Variants in DGKD observed in about 807,000 individuals in gnomAD.
DGKD encodes diacylglycerol kinase delta, also known as DAG kinase delta.
Under a neutral mutation model 154.4 loss-of-function variants are expected in DGKD, and 68 were observed. The observed-to-expected ratio is 0.44, with a 90% CI of 0.36 to 0.54. DGKD has a LOEUF of 0.54. Ranked by LOEUF, DGKD falls within the 20% of genes least tolerant of loss-of-function variation. The pLI, the probability that DGKD is intolerant of heterozygous loss-of-function variation, is 0.00. For synonymous variants in DGKD, 693 were observed against 638.0 expected, an observed-to-expected ratio of 1.09 and a Z score of -1.30; for missense variants, 1,343 against 1,593.6, an observed-to-expected ratio of 0.84 and a Z score of 2.68.
chr2:233,401,276 A>G (rs1326358477), intron 3 of DGKD, among the ~76,000 whole-genome samples: 6 of 152,216 alleles, frequency 3.9e-5, no homozygotes, highest in African/African-American at 9.6e-5. Context: ...GTTTGTGCCT[A>G]TTAACACTGT....
chr2:233,420,472 C>T (rs185185883), intron 3 of DGKD, among the ~76,000 whole-genome samples: 1 of 152,304 alleles, frequency 6.6e-6, no homozygotes, highest in Non-Finnish European at 1.5e-5. Context: ...TCTTCCTGCT[C>T]CCCCTTCCCT....
chr2:233,459,095 C>T lies in DGKD; in HGVS notation c.2695-662C>T, dbSNP rs1425933761. Among the ~76,000 whole-genome samples, 9 of 152,082 alleles carry T rather than the reference C, an allele frequency of 5.9e-5. No individual in the cohort carries two copies. The highest frequency in any genetic ancestry group is 5.8e-4 in the East Asian group (3 of 5,166). ...GGGCCCTCGATCATGGTTCTGAGGCCGAGTGGTGAAGGGCTGGGGGTGCCC... is the reference window on the plus strand; with the variant it reads ...GGGCCCTCGATCATGGTTCTGAGGCTGAGTGGTGAAGGGCTGGGGGTGCCC... On this transcript the variant is annotated intron_variant, in intron 22 of 29. Transcript: ENST00000264057. The surrounding 1 kb of genome is among the most constrained non-coding windows in gnomAD (Gnocchi z 5.7).
chr2:233,442,021 C>A (rs191114152), intron 10 of DGKD, 26 bp downstream of exon 10: 14 of 1,598,560 alleles, frequency 8.8e-6, no homozygotes, highest in Admixed American at 1.7e-5. Flanking sequence ...GGAGCCCAGC[C>A]AGGAGCAGAG....
intron 10 of DGKD, among the ~76,000 whole-genome samples, chr2:233,444,939 G>A (rs2063018316): frequency 6.6e-6 from 1 of 152,086 alleles, no homozygotes; most frequent in South Asian, 2.1e-4. Context: ...TCTGGGCAGT[G>A]GGCATTTTAA....
intron 14 of DGKD, among the ~76,000 whole-genome samples, chr2:233,448,851 T>G (rs936575591): frequency 6.6e-6 from 1 of 152,232 alleles, no homozygotes; most frequent in East Asian, 1.9e-4. Context: ...CTATGCAGAC[T>G]AAGACTCAGC....
chr2:233,386,855 G>T (rs1703212752), intron 1 of DGKD, among the ~76,000 whole-genome samples: 1 of 152,224 alleles, frequency 6.6e-6, no homozygotes, highest in South Asian at 2.1e-4. Context: ...GAAGCTCTTG[G>T]AAGTGGTCGT....
intron 1 of DGKD, among the ~76,000 whole-genome samples, chr2:233,382,255 A>G (rs1026532873): frequency 1.3e-5 from 2 of 152,180 alleles, no homozygotes; most frequent in African/African-American, 4.8e-5. Flanking sequence ...AAACAAAGAG[A>G]TATGCAAATT....
intron 17 of DGKD, among the ~76,000 whole-genome samples, chr2:233,451,447 A>G (rs1007414131): frequency 3.9e-5 from 6 of 152,154 alleles, no homozygotes; most frequent in Non-Finnish European, 8.8e-5. Flanking sequence ...GGCCGCCTGG[A>G]GCATTCCTTG....
At position 233,440,166 on chromosome 2, in the gene DGKD, T is replaced by A. The variant is rs2062838936; in HGVS notation, c.1086-1721T>A. On this transcript the variant is annotated intron_variant, in intron 9 of 29. Transcript: ENST00000264057. This position sits in a 1 kb window ranked among gnomAD's most constrained non-coding sequence, Gnocchi z 4.9. ...GCGTAAGGGGAGTTGAGTCGTCATTTACCATTTCTGGAAGCAGCTCATCTC... is the reference window on the plus strand; with the variant it reads ...GCGTAAGGGGAGTTGAGTCGTCATTAACCATTTCTGGAAGCAGCTCATCTC... 6.6e-6 allele frequency among the ~76,000 whole-genome samples: 1 copy of A among 152,220 alleles called. No homozygotes were observed. The highest frequency in any genetic ancestry group is 2.1e-4 in the South Asian group (1 of 4,832).
At position 233,390,434 on chromosome 2, in the gene DGKD, A is replaced by G; in HGVS notation, c.299A>G (p.Asp100Gly). 1 of 1,614,162 alleles carries G rather than the reference A, an allele frequency of 6.2e-7. No individual in the cohort carries two copies. The highest frequency in any genetic ancestry group is 8.5e-7 in the Non-Finnish European group (1 of 1,180,014). ...ATATTTGATGAGGTGGATCTGACAGATGCCAGCGTAGCTGAATCCAGTACC... is the reference window on the plus strand; with the variant it reads ...ATATTTGATGAGGTGGATCTGACAGGTGCCAGCGTAGCTGAATCCAGTACC... Reference protein sequence around the residue: ...SIIFDEVDLTDASVAESSTKN... With the variant: ...SIIFDEVDLTGASVAESSTKN... Residue 100 changes from aspartate (D) to glycine (G), a missense_variant, in exon 3 of 30, where the codon GAT becomes GGT. By Grantham distance (94) the Asp-to-Gly change is moderately conservative (BLOSUM62 -1). Coordinates refer to ENST00000264057, the MANE Select transcript of DGKD (RefSeq NM_152879.3).
intron 27 of DGKD, among the ~76,000 whole-genome samples, chr2:233,464,995 T>C (rs538997335): frequency 6.6e-6 from 1 of 152,326 alleles, no homozygotes; most frequent in African/African-American, 2.4e-5. Flanking sequence ...TTGTGAGACC[T>C]GTGGGCAGCA....
At chr2:233,376,175 G>A (rs1392587694) in intron 1 of DGKD, among the ~76,000 whole-genome samples, 5 of 152,180 alleles carry the variant, frequency 3.3e-5, no homozygotes, top group Admixed American at 2.6e-4. Flanking sequence ...TAGTGGAGAT[G>A]GGTTTGTGCA....
intron 1 of DGKD, among the ~76,000 whole-genome samples, chr2:233,357,160 T>C (rs1287086826): frequency 2.0e-5 from 3 of 152,212 alleles, no homozygotes. Context: ...GGGGTCCATC[T>C]GGCAGTGGCT....
Position 233,460,186 on chromosome 2 carries a change from G to C in DGKD, c.2830-8G>C. 6.2e-7 allele frequency: 1 copy of C among 1,613,688 alleles called. No individual in the cohort carries two copies. Among genetic ancestry groups the C allele is most frequent in the Non-Finnish European group, 8.5e-7 (1 of 1,179,808 alleles). On this transcript the variant is annotated splice_polypyrimidine_tract_variant and splice_region_variant and intron_variant, in intron 23 of 29. Transcript: ENST00000264057. ...GCAGCAGGTGTAATTGGGCTTTCGGGTCCATAGGCATTTGAGAGCACCCTG... is the reference window on the plus strand; with the variant it reads ...GCAGCAGGTGTAATTGGGCTTTCGGCTCCATAGGCATTTGAGAGCACCCTG...
chr2:233,420,027 C>G (rs769308429), intron 3 of DGKD, among the ~76,000 whole-genome samples: 5 of 152,140 alleles, frequency 3.3e-5, no homozygotes, highest in Non-Finnish European at 5.9e-5. Flanking sequence ...GGAATTGACT[C>G]TGGGATGAGA....
In DGKD at chr2:233,390,470, A is replaced by G. The variant is rs1450361346; in HGVS notation, c.335A>G (p.Asn112Ser). ...SVAESSTKNVNNSFTVITPCR... is the reference protein window; with the variant it reads ...SVAESSTKNVSNSFTVITPCR... ...GCTGAATCCAGTACCAAAAACGTCA[A>G]CAACAGTTTTACGGTAAGATTCCTC... is the stretch of plus-strand genomic sequence containing the variant. Residue 112 changes from asparagine to serine, a missense_variant, in exon 3 of 30, where the codon AAC (asparagine) becomes AGC (serine). Around this residue, in one of 6 missense-constraint regions of DGKD, gnomAD observed 332 missense variants for 400.1 expected, o/e 0.83. Coordinates refer to ENST00000264057, the MANE Select transcript of DGKD (RefSeq NM_152879.3). 1.9e-6 allele frequency: 3 copies of G among 1,613,814 alleles called. No homozygotes were observed. The highest frequency in any genetic ancestry group is 2.5e-6 in the Non-Finnish European group (3 of 1,179,834).
At chr2:233,421,287 G>A (rs1575085799) in intron 3 of DGKD, among the ~76,000 whole-genome samples, 1 of 152,094 alleles carries the variant, frequency 6.6e-6, no homozygotes, top group Non-Finnish European at 1.5e-5. Flanking sequence ...GGAGGTCACT[G>A]TGGACTCCTC....
Position 233,446,402 on chromosome 2 carries a change from C to G in DGKD, c.1335-310C>G, listed in dbSNP as rs2063072969. On this transcript the variant is annotated intron_variant, in intron 11 of 29. Transcript: ENST00000264057. ...CCTGTGAAATGCTCATCTCACTGGG[C>G]CAGCTGGCTGAGCCATTTGCAGCTC... 2.0e-5 allele frequency among the ~76,000 whole-genome samples: 3 copies of G among 152,348 alleles called. No individual in the cohort carries two copies. The South Asian group carries it at 6.2e-4, about 32-fold the overall frequency.
intron 26 of DGKD, among the ~76,000 whole-genome samples, chr2:233,463,035 T>A (rs2063700608): frequency 6.6e-6 from 1 of 152,190 alleles, no homozygotes; most frequent in African/African-American, 2.4e-5. Context: ...TGCCGAGAGC[T>A]GGCCACACTC....
Sources: allele counts gnomAD v4.1 joint callset (sites outside exome capture counted in the v4.1 genomes callset), GRCh38; gene constraint gnomAD v4.1.1; regional missense constraint gnomAD v4.1.1; non-coding constraint Gnocchi (gnomAD v3.1); transcripts MANE v1.5; gene names NCBI Gene and HGNC (gene_info 2026-07-23, HGNC 2026-07-21).